The following NGEF variants were observed in gnomAD, a reference collection of about 807,000 sequenced individuals.
NGEF encodes neuronal guanine nucleotide exchange factor.
NGEF carries 31 observed loss-of-function variants against 80.9 expected under a neutral mutation model. That is an observed-to-expected ratio of 0.38 (90% CI 0.29 to 0.52). The LOEUF is 0.52. NGEF is among the 20% of genes least tolerant of loss of function. The probability of loss-of-function intolerance (pLI) is 0.84; values close to 1 mark genes in which losing one functional copy is unlikely to be tolerated. For synonymous variants in NGEF, 371 were observed against 370.2 expected (o/e 1.00, Z -0.03); for missense variants, 709 against 926.2 (o/e 0.77, Z 3.04).
chr2:232,924,140 G>C (rs1693008058), intron 4 of NGEF, among the ~76,000 whole-genome samples: 1 of 152,198 alleles, frequency 6.6e-6, no homozygotes, highest in Admixed American at 6.5e-5. Context: ...AGGAAGCTGA[G>C]GTAGGAGAAT....
At chr2:232,986,482 G>C (rs1694534019) in intron 1 of NGEF, among the ~76,000 whole-genome samples, 1 of 152,230 alleles carries the variant, frequency 6.6e-6, no homozygotes, top group Non-Finnish European at 1.5e-5. Flanking sequence ...AATGGATAAA[G>C]AAATTGTGGT....
intron 14 of NGEF, 98 bp from the exon 15 acceptor site, chr2:232,879,777 A>T (rs1691430308): frequency 8.6e-7 from 1 of 1,161,910 alleles, no homozygotes; most frequent in African/African-American, 1.5e-5. Context: ...GTGGCGGGAC[A>T]CTAGGGGTCC....
chr2:232,959,859 G>A (rs80278135), intron 3 of NGEF, among the ~76,000 whole-genome samples: 2 of 151,982 alleles, frequency 1.3e-5, no homozygotes, highest in South Asian at 2.1e-4. Flanking sequence ...GATTACAGGC[G>A]TGAGCCACCG....
chr2:232,970,007 A>G (rs762677736), intron 3 of NGEF: 40 of 309,316 alleles, frequency 1.3e-4, no homozygotes, highest in Non-Finnish European at 2.0e-4. Context: ...ACTGCCCACA[A>G]ATATTTTTTT....
Position 232,927,116 on chromosome 2 carries a change from T to A in NGEF, c.454A>T (p.Thr152Ser). The part of the protein sequence containing the change: ...EWPALADSPT[T>S]LTEALRMIHP... ...ATCATCCGCAGGGCCTCGGTGAGCG[T>A]GGTGGGGCTGTCGGCCAGGGCCGGC... is the stretch of plus-strand genomic sequence containing the variant. The change falls in exon 4 of 15, where the codon ACG becomes TCG. Residue 152 changes from threonine (T) to serine (S), a missense_variant. Thr to Ser is a moderately conservative substitution (Grantham distance 58). Transcript: ENST00000264051. 6.2e-7 allele frequency: 1 copy of A among 1,613,148 alleles called. No individual in the cohort carries two copies.
intron 8 of NGEF, chr2:232,890,789 TA>T (rs1691857337): frequency 2.5e-6 from 1 of 405,966 alleles, no homozygotes. Flanking sequence ...GGCCAGCTCC[TA>T]AAAGTGGGTC....
chr2:232,927,011 CA>C (rs1693084916), intron 4 of NGEF, 32 bp downstream of exon 4: 2 of 1,613,744 alleles, frequency 1.2e-6, no homozygotes, highest in African/African-American at 1.3e-5. Flanking sequence ...CCGCGTTTCC[CA>C]AATAAAACCC....
chr2:232,917,722 T>G (rs533449241), intron 5 of NGEF, among the ~76,000 whole-genome samples: 8 of 152,310 alleles, frequency 5.3e-5, no homozygotes, highest in African/African-American at 1.9e-4. Flanking sequence ...TGAATTCTAC[T>G]CTGTCTGATA....
At chr2:232,975,183 A>T (rs1574647959) in intron 1 of NGEF, among the ~76,000 whole-genome samples, 1 of 152,194 alleles carries the variant, frequency 6.6e-6, no homozygotes, top group Non-Finnish European at 1.5e-5. Flanking sequence ...TATTCCTAAG[A>T]GGCACTTTTA....
intron 1 of NGEF, among the ~76,000 whole-genome samples, chr2:232,993,273 G>C (rs1001661978): frequency 1.6e-5 from 1 of 62,782 alleles, no homozygotes. Context: ...ATATGAATTG[G>C]CATGTCTCCA....
chr2:232,886,412 T>C (rs191343589), intron 9 of NGEF, among the ~76,000 whole-genome samples: 1 of 152,012 alleles, frequency 6.6e-6, no homozygotes, highest in East Asian at 1.9e-4. Context: ...GTGCTGTGCG[T>C]GTGCCGTGTG....
chr2:232,901,233 T>A, intron 5 of NGEF: 1 of 344,258 alleles, frequency 2.9e-6, no homozygotes, highest in Non-Finnish European at 4.1e-6. Context: ...TGGGCCATGC[T>A]GCCTGGCCGG....
At chr2:232,991,739 C>A (rs572504375) in intron 1 of NGEF, among the ~76,000 whole-genome samples, 1 of 152,260 alleles carries the variant, frequency 6.6e-6, no homozygotes, top group South Asian at 2.1e-4. Flanking sequence ...ACTTGATAAG[C>A]TGATCATAAA....
intron 3 of NGEF, among the ~76,000 whole-genome samples, chr2:232,958,310 G>A (rs73995742): frequency 0.039 from 6,007 of 152,164 alleles, 421 homozygotes; most frequent in African/African-American, 0.14. Flanking sequence ...AGAGCTGCAC[G>A]GAGTGTTCAT....
intron 4 of NGEF, among the ~76,000 whole-genome samples, chr2:232,924,527 GC>G (rs1693019222): frequency 6.6e-6 from 1 of 152,090 alleles, no homozygotes; most frequent in Non-Finnish European, 1.5e-5. Flanking sequence ...TCTTCTAAAG[GC>G]TTGTCAAAAA....
chr2:232,902,799 G>A (rs1447277230), intron 5 of NGEF, among the ~76,000 whole-genome samples: 3 of 152,052 alleles, frequency 2.0e-5, no homozygotes, highest in African/African-American at 7.2e-5. Flanking sequence ...CCAGGAGTTC[G>A]ATGGCCAACA....
At chr2:232,898,574 T>G (rs955564390) in intron 5 of NGEF, among the ~76,000 whole-genome samples, 2 of 152,266 alleles carry the variant, frequency 1.3e-5, no homozygotes, top group African/African-American at 2.4e-5. Flanking sequence ...GGCTATCTTT[T>G]CCTTATCGAT....
At chr2:232,882,082 G>A in intron 13 of NGEF, 104 bp downstream of exon 13, 1 of 1,047,186 alleles carries the variant, frequency 9.5e-7, no homozygotes, top group South Asian at 1.4e-5. Flanking sequence ...GAGACCACCA[G>A]CTCAGGGAGG....
At chr2:232,948,147 ATGTGTGTGTG>A (rs375640068) in intron 3 of NGEF, among the ~76,000 whole-genome samples, 34 of 141,652 alleles carry the variant, frequency 2.4e-4, no homozygotes, top group Non-Finnish European at 4.0e-4. Flanking sequence ...TAGCCTGGAG[ATGTGTGTGTG>A]TGTGTGTGTG....
Sources: gnomAD v4.1 joint callset for allele counts (sites outside exome capture counted in the v4.1 genomes callset) on GRCh38, gnomAD v4.1.1 for gene constraint, MANE v1.5 for transcripts, NCBI Gene and HGNC (gene_info 2026-07-23, HGNC 2026-07-21) for gene names.